KMT2E: variants seen among roughly 807,000 people sequenced by gnomAD.
KMT2E encodes histone reader KMT2E.
A neutral mutation model predicts 184.6 loss-of-function variants in KMT2E; 30 were observed. The ratio of observed to expected loss-of-function variants is 0.16; its 90% CI spans 0.12 to 0.22. KMT2E has a LOEUF of 0.22. Ranked by LOEUF, KMT2E falls within the 10% of genes least tolerant of loss-of-function variation. The pLI is 1.00. For missense variants in KMT2E, 2,023 were observed against 2,237.4 expected (o/e 0.90, Z 1.93); for synonymous variants, 815 against 776.5 (o/e 1.05, Z -0.82).
intron 15 of KMT2E, among the ~76,000 whole-genome samples, chr7:105,100,824 A>G (rs1486910468): frequency 6.6e-6 from 1 of 152,198 alleles, no homozygotes; most frequent in Non-Finnish European, 1.5e-5. Flanking sequence ...TTCATCATAA[A>G]TGAACTTCTT....
At chr7:105,072,208 C>G (rs1220870299) in intron 6 of KMT2E, among the ~76,000 whole-genome samples, 1 of 152,026 alleles carries the variant, frequency 6.6e-6, no homozygotes, top group Admixed American at 6.5e-5. Context: ...GTCCCAGCTA[C>G]TTGGGAGGCT....
At chr7:105,065,626 TAAC>T (rs1360181622) in intron 5 of KMT2E, among the ~76,000 whole-genome samples, 1 of 152,164 alleles carries the variant, frequency 6.6e-6, no homozygotes, top group Non-Finnish European at 1.5e-5. Context: ...AGTAAGAGCT[TAAC>T]AACAATTGTA....
rs1334103918 is a variant in KMT2E at position 105,080,806 on chromosome 7, T to A, written c.1249-882T>A. On this transcript the variant is annotated intron_variant, in intron 12 of 26. Transcript: ENST00000311117. Reference sequence around the variant, plus strand: ...TGGGTGGATCACCTGAGGTCAGGAGTTCAAGACCAGCCTGACCAACATGGT... The same window carrying A: ...TGGGTGGATCACCTGAGGTCAGGAGATCAAGACCAGCCTGACCAACATGGT... Among the ~76,000 whole-genome samples, 44 of 150,432 alleles carry A rather than the reference T, an allele frequency of 2.9e-4. 1 individual carries two copies. Among genetic ancestry groups the A allele is most frequent in the Admixed American group, 2.9e-3 (43 of 15,082 alleles).
chr7:105,105,457 T>C lies in KMT2E; in HGVS notation c.2215T>C (p.Leu739=), dbSNP rs1306110399. 1 of 1,600,114 alleles carries C rather than the reference T, an allele frequency of 6.2e-7. No individual in the cohort carries two copies. The highest frequency in any genetic ancestry group is 1.4e-5 in the African/African-American group (1 of 73,948). ...KTKKHLVNEW[L]SEKNEKTGKP... ...TCTCTAGCACTTGGTTAATGAATGGTTAAGTGAGAAGAATGAGAAGACAGG... is the reference window on the plus strand; with the variant it reads ...TCTCTAGCACTTGGTTAATGAATGGCTAAGTGAGAAGAATGAGAAGACAGG... Residue 739 remains leucine (L), a synonymous_variant, in exon 18 of 27, where the codon TTA becomes CTA. Transcript: ENST00000311117.
intron 1 of KMT2E, among the ~76,000 whole-genome samples, chr7:105,037,719 G>T (rs1376661233): frequency 6.6e-6 from 1 of 152,042 alleles, no homozygotes; most frequent in African/African-American, 2.4e-5. Flanking sequence ...CAGTTTTTCT[G>T]ATAAACTGTT....
intron 1 of KMT2E, among the ~76,000 whole-genome samples, chr7:105,032,471 T>A (rs891086858): frequency 2.6e-5 from 4 of 152,094 alleles, no homozygotes; most frequent in South Asian, 2.1e-4. Context: ...TGCAGGATTT[T>A]AAAAAAAAGT....
intron 26 of KMT2E, 76 bp downstream of exon 26, chr7:105,110,944 A>G (rs1799220533): frequency 1.0e-6 from 1 of 984,790 alleles, no homozygotes; most frequent in East Asian, 2.4e-5. Flanking sequence ...TATAATATGC[A>G]GTGTTTTTCT....
intron 1 of KMT2E, among the ~76,000 whole-genome samples, chr7:105,022,180 A>C (rs1794983549): frequency 6.6e-6 from 1 of 152,198 alleles, no homozygotes; most frequent in East Asian, 1.9e-4. Context: ...TTGATGTAAT[A>C]CTAAATAGTC....
rs1396482647 is a variant in KMT2E at position 105,063,573 on chromosome 7, A to G, written c.409A>G (p.Lys137Glu). 1 of 1,566,492 alleles carries G rather than the reference A, an allele frequency of 6.4e-7. No homozygotes were observed. Among genetic ancestry groups the G allele is most frequent in the Non-Finnish European group, 8.7e-7 (1 of 1,151,546 alleles). Residue 137 changes from lysine (K) to glutamate (E), a missense_variant, in exon 5 of 27, where the codon AAA becomes GAA. Lys to Glu is a moderately conservative substitution (Grantham distance 56). Transcript: ENST00000311117. Reference protein sequence around the residue: ...HDDGYMICCDKCSVWQHIDCM... With the variant: ...HDDGYMICCDECSVWQHIDCM... Reference sequence around the variant, plus strand: ...TGATGGATACATGATCTGTTGTGACAAATGCAGGTAAAATATTTTACACCA... The same window carrying G: ...TGATGGATACATGATCTGTTGTGACGAATGCAGGTAAAATATTTTACACCA...
chr7:105,050,184 C>T (rs1264353391), intron 3 of KMT2E, among the ~76,000 whole-genome samples: 1 of 152,190 alleles, frequency 6.6e-6, no homozygotes, highest in Middle Eastern at 3.2e-3. Context: ...CACAACACTA[C>T]TATAACCTCC....
chr7:105,088,105 G>A (rs1396649383), intron 13 of KMT2E, among the ~76,000 whole-genome samples: 4 of 151,972 alleles, frequency 2.6e-5, no homozygotes, highest in Non-Finnish European at 4.4e-5. Context: ...TCAGTGCTTT[G>A]TGGGATTACA....
At position 105,112,123 on chromosome 7, in the gene KMT2E, C is replaced by T; in HGVS notation, c.4367C>T (p.Pro1456Leu). ...GAAAATCCTCCAAAGTCATCCACGC[C>T]TCACACACCTGTACAGCATGGTTAT... ...HLENPPKSST[P>L]HTPVQHGYLS... The change falls in exon 27 of 27, where the codon CCT (proline) becomes CTT (leucine). Residue 1456 changes from proline to leucine, a missense_variant. Around this residue, in one of 8 missense-constraint regions of KMT2E, gnomAD observed 1,108 missense variants for 1,050.9 expected, o/e 1.05. Transcript: ENST00000311117. 1 of 1,614,178 alleles carries T rather than the reference C, an allele frequency of 6.2e-7. No individual in the cohort carries two copies.
intron 3 of KMT2E, among the ~76,000 whole-genome samples, chr7:105,049,887 G>A (rs376079253): frequency 3.9e-5 from 6 of 152,018 alleles, no homozygotes; most frequent in Admixed American, 6.6e-5. Flanking sequence ...GCAAAACTCC[G>A]TCTCAAAAAA....
At chr7:105,083,169 A>G (rs1797824465) in intron 13 of KMT2E, among the ~76,000 whole-genome samples, 1 of 152,248 alleles carries the variant, frequency 6.6e-6, no homozygotes. Context: ...TGTTTTGGGC[A>G]TGATGGCTTT....
intron 1 of KMT2E, among the ~76,000 whole-genome samples, chr7:105,025,642 A>G (rs897095488): frequency 2.6e-5 from 4 of 152,180 alleles, no homozygotes; most frequent in African/African-American, 9.6e-5. Context: ...ATGAATGCTC[A>G]TGGAAGTTAT....
chr7:105,042,191 A>G (rs1307861244), intron 3 of KMT2E, among the ~76,000 whole-genome samples: 4 of 152,074 alleles, frequency 2.6e-5, no homozygotes, highest in Non-Finnish European at 4.4e-5. Flanking sequence ...GGGTTTCACC[A>G]CATTGACCAG....
chr7:105,096,014 G>A (rs930147101), intron 15 of KMT2E, among the ~76,000 whole-genome samples: 2 of 152,122 alleles, frequency 1.3e-5, no homozygotes, highest in Non-Finnish European at 2.9e-5. Context: ...CAGCACTTTG[G>A]GAGGCCAAGG....
chr7:105,014,767 A>G (rs193270437), intron 1 of KMT2E, among the ~76,000 whole-genome samples: 119 of 152,018 alleles, frequency 7.8e-4, no homozygotes, highest in African/African-American at 2.7e-3. Context: ...GGAAAGGGGT[A>G]ACTGGCAGTT....
At chr7:105,088,863 A>C (rs1432751063) in intron 13 of KMT2E, among the ~76,000 whole-genome samples, 1 of 152,242 alleles carries the variant, frequency 6.6e-6, no homozygotes, top group African/African-American at 2.4e-5. Context: ...GGGAACACTT[A>C]GTATGGTGAA....
Sources: gnomAD v4.1 joint callset for allele counts (sites outside exome capture counted in the v4.1 genomes callset) on GRCh38, gnomAD v4.1.1 for gene constraint, gnomAD v4.1.1 regional missense constraint, MANE v1.5 for transcripts, NCBI Gene and HGNC (gene_info 2026-07-23, HGNC 2026-07-21) for gene names.